The following COLGALT1 variants were observed in gnomAD, a reference collection of about 807,000 sequenced individuals.
COLGALT1 encodes the protein collagen beta(1-O)galactosyltransferase 1, also known as procollagen galactosyltransferase 1.
In COLGALT1, 43 loss-of-function variants were observed where a neutral mutation model predicts 60.8. The observed-to-expected ratio is 0.71, with a 90% CI of 0.55 to 0.91. The LOEUF (loss-of-function observed/expected upper bound fraction) is 0.91. Among genes scored for constraint, COLGALT1 ranks in the 40% least tolerant of loss-of-function variants. The pLI, the probability that COLGALT1 is intolerant of heterozygous loss-of-function variation, is 0.00. For synonymous variants in COLGALT1, 369 were observed against 374.2 expected (o/e 0.99, Z 0.16); for missense variants, 845 against 880.0 (o/e 0.96, Z 0.50).
rs1207815439 is a variant in COLGALT1 at position 17,567,414 on chromosome 19, T to C, written c.498T>C (p.Asp166=). The part of the protein sequence containing the change: ...DMWADYILFV[D]ADNLILNPDT... ...TGTGGGGTGTTCTGCAGTTTGTAGA[T>C]GCGGACAACCTGATCCTCAACCCTG... Residue 166 remains aspartate, a synonymous_variant, in exon 4 of 12, where the codon GAT becomes GAC. Transcript: ENST00000252599. The C allele has an allele frequency of 6.2e-7, 1 of 1,613,608 alleles. No individual in the cohort carries two copies. The highest frequency in any genetic ancestry group is 8.5e-7 in the Non-Finnish European group (1 of 1,179,780).
chr19:17,574,559 T>C (rs1464631824), intron 6 of COLGALT1, among the ~76,000 whole-genome samples: 1 of 152,088 alleles, frequency 6.6e-6, no homozygotes, highest in Non-Finnish European at 1.5e-5. Context: ...CGAACTCCTG[T>C]CCTCAGGTGA....
chr19:17,570,344 A>G (rs1373400554), intron 5 of COLGALT1, among the ~76,000 whole-genome samples: 1 of 151,930 alleles, frequency 6.6e-6, no homozygotes, highest in Non-Finnish European at 1.5e-5. Context: ...GGCTCAAGCA[A>G]TCCTCTCATC....
At position 17,580,749 on chromosome 19, in the gene COLGALT1, C is replaced by T. The variant is rs377549471; in HGVS notation, c.1445C>T (p.Pro482Leu). ...MQVEHPEKAV[P>L]RVRNLVEADY... ...GTGGAGCACCCCGAGAAGGCTGTGC[C>T]TCGCGTGAGGAACCTGGTGGAGGCC... The change falls in exon 11 of 12, where the codon CCT (proline) becomes CTT (leucine). Residue 482 changes from proline (P) to leucine (L), a missense_variant. Transcript: ENST00000252599. 1.1e-5 allele frequency: 18 copies of T among 1,614,008 alleles called. No homozygotes were observed. Among genetic ancestry groups the T allele is most frequent in the Admixed American group, 1.7e-5 (1 of 59,996 alleles).
intron 3 of COLGALT1, among the ~76,000 whole-genome samples, chr19:17,562,336 A>G (rs2076254182): frequency 6.6e-6 from 1 of 152,138 alleles, no homozygotes; most frequent in South Asian, 2.1e-4. Context: ...GTGTGTGAGC[A>G]GGGGAGGTCT....
intron 6 of COLGALT1, 191 bp from the exon 7 acceptor site, chr19:17,577,004 T>TGGGGGCGGGGTGAAGCTGGGGAC: frequency 6.5e-6 from 2 of 307,172 alleles, no homozygotes; most frequent in Admixed American, 4.9e-5. Flanking sequence ...GGCCAGGGCT[T>TGGGGGCGGGGTGAAGCTGGGGAC]TGGGCTGCTG....
At chr19:17,565,432 G>T (rs761163241) in intron 3 of COLGALT1, among the ~76,000 whole-genome samples, 40 of 152,154 alleles carry the variant, frequency 2.6e-4, no homozygotes, top group Admixed American at 3.3e-4. Flanking sequence ...ATCCCAAAGT[G>T]CTAGGATTAC....
intron 1 of COLGALT1, 142 bp downstream of exon 1, chr19:17,556,115 G>A (rs909197866): frequency 5.7e-5 from 56 of 982,182 alleles, no homozygotes; most frequent in Middle Eastern, 3.7e-4. Flanking sequence ...TACCCCCATC[G>A]GGACGGTTCT....
At chr19:17,559,018 G>A (rs1044933642) in intron 1 of COLGALT1, among the ~76,000 whole-genome samples, 2 of 152,088 alleles carry the variant, frequency 1.3e-5, no homozygotes, top group African/African-American at 2.4e-5. Flanking sequence ...AAAATTAGCC[G>A]GGTGTGGTGG....
chr19:17,575,298 TG>T (rs1357597708), intron 6 of COLGALT1, among the ~76,000 whole-genome samples: 1 of 152,214 alleles, frequency 6.6e-6, no homozygotes, highest in African/African-American at 2.4e-5. Flanking sequence ...CAGGCTGGAG[TG>T]CAGTGGCCCG....
At chr19:17,559,288 C>A (rs1389594059) in intron 1 of COLGALT1, 23 bp from the exon 2 acceptor site, 2 of 1,535,096 alleles carry the variant, frequency 1.3e-6, no homozygotes, top group South Asian at 1.2e-5. Flanking sequence ...CCCAAGTACG[C>A]TGCCTGTCCC....
rs117136315 is a variant in COLGALT1 at position 17,560,592 on chromosome 19, A to C, written c.489+127A>C. ...CAGAAGGGTAAACTGAGGCTTAGAG[A>C]GGGGAGATGAGTTGCTTGAGGTGAT... On this transcript the variant is annotated intron_variant, in intron 3 of 11. Coordinates refer to ENST00000252599, the MANE Select transcript of COLGALT1 (RefSeq NM_024656.4). The C allele has an allele frequency of 3.6e-4, 261 of 734,080 alleles. No homozygotes were observed. The East Asian group carries it at 6.4e-3, about 18-fold the overall frequency. 45.5% of individuals were successfully genotyped at this position (734,080 alleles called of 1,614,324 possible).
intron 2 of COLGALT1, among the ~76,000 whole-genome samples, chr19:17,559,854 C>A (rs1458735164): frequency 1.3e-5 from 2 of 152,008 alleles, no homozygotes; most frequent in Non-Finnish European, 2.9e-5. Flanking sequence ...GTGGAGTGAA[C>A]ACAGCTTACT....
At chr19:17,567,580 CA>C in intron 4 of COLGALT1, 40 bp downstream of exon 4, 1 of 1,595,170 alleles carries the variant, frequency 6.3e-7, no homozygotes, top group Non-Finnish European at 8.5e-7. Context: ...CTGGGCTGAG[CA>C]GGGGGGTGCC....
At chr19:17,578,656 G>T (rs1013597598) in intron 9 of COLGALT1, among the ~76,000 whole-genome samples, 12 of 152,224 alleles carry the variant, frequency 7.9e-5, no homozygotes, top group African/African-American at 2.9e-4. Context: ...TAAGGCTGCA[G>T]TCAGCCAAGA....
chr19:17,559,442 C>G (rs1204750011), intron 2 of COLGALT1, 21 bp downstream of exon 2: 1 of 1,532,128 alleles, frequency 6.5e-7, no homozygotes, highest in African/African-American at 1.4e-5. Context: ...TTCCCCTGCT[C>G]CTAGTCTGAT....
intron 3 of COLGALT1, among the ~76,000 whole-genome samples, chr19:17,564,052 A>G (rs1833003232): frequency 1.8e-5 from 1 of 57,100 alleles, no homozygotes; most frequent in Admixed American, 2.2e-4. Context: ...CCTGGGCAAC[A>G]TAGTGAGACC....
chr19:17,578,056 C>T lies in COLGALT1; in HGVS notation c.1233C>T (p.Gly411=). 6.2e-7 allele frequency: 1 copy of T among 1,611,552 alleles called. No homozygotes were observed. The highest frequency in any genetic ancestry group is 8.5e-7 in the Non-Finnish European group (1 of 1,179,080). Reference sequence around the variant, plus strand: ...GGCCCCTCACCAAGGGTGAGCTGGGCTGCTTCCTGAGCCACTACAACATCT... The same window carrying T: ...GGCCCCTCACCAAGGGTGAGCTGGGTTGCTTCCTGAGCCACTACAACATCT... ...HGRPLTKGEL[G]CFLSHYNIWK... Residue 411 remains glycine, a synonymous_variant, in exon 9 of 12, where the codon GGC becomes GGT. Transcript: ENST00000252599.
intron 2 of COLGALT1, among the ~76,000 whole-genome samples, chr19:17,560,070 G>C (rs1218067139): frequency 6.6e-6 from 1 of 152,134 alleles, no homozygotes; most frequent in Non-Finnish European, 1.5e-5. Flanking sequence ...GATCGCAGGC[G>C]TGGGCCACTG....
At chr19:17,556,038 G>A (rs2076208883) in intron 1 of COLGALT1, 65 bp downstream of exon 1, 1 of 1,270,952 alleles carries the variant, frequency 7.9e-7, no homozygotes, top group Non-Finnish European at 9.9e-7. Context: ...TCCCCATAGG[G>A]GTGGGTCCAC....
Sources: gnomAD v4.1 joint callset for allele counts (sites outside exome capture counted in the v4.1 genomes callset) on GRCh38, gnomAD v4.1.1 for gene constraint, MANE v1.5 for transcripts, NCBI Gene and HGNC (gene_info 2026-07-23, HGNC 2026-07-21) for gene names.